The following CPEB3 variants were observed in gnomAD, a reference collection of about 807,000 sequenced individuals.
CPEB3 encodes cytoplasmic polyadenylation element-binding protein 3.
In CPEB3, 20 loss-of-function variants were observed where a neutral mutation model predicts 67.2. The ratio of observed to expected loss-of-function variants is 0.30; its 90% CI spans 0.21 to 0.43. The LOEUF is 0.43. CPEB3 is among the 20% of genes least tolerant of loss of function. The probability of loss-of-function intolerance (pLI) is 1.00; values close to 1 mark genes in which losing one functional copy is unlikely to be tolerated. For synonymous variants in CPEB3, 376 were observed against 393.1 expected (o/e 0.96, Z 0.51); for missense variants, 746 against 968.6 (o/e 0.77, Z 3.05).
chr10:92,230,243 A>T (rs1412076467), intron 2 of CPEB3, among the ~76,000 whole-genome samples: 2 of 152,180 alleles, frequency 1.3e-5, no homozygotes, highest in Non-Finnish European at 2.9e-5. Flanking sequence ...GCACTGAGTT[A>T]CTGCAGACAG....
chr10:92,178,161 CT>C (rs1047680848), intron 4 of CPEB3, among the ~76,000 whole-genome samples: 1,409 of 139,590 alleles, frequency 0.01, 3 homozygotes, highest in Admixed American at 0.013. Context: ...TCAATTATTC[CT>C]TTTTTTTTTT....
chr10:92,209,789 T>C (rs998180362), intron 2 of CPEB3, among the ~76,000 whole-genome samples: 1 of 151,348 alleles, frequency 6.6e-6, no homozygotes, highest in African/African-American at 2.4e-5. Flanking sequence ...ATACAAAAAT[T>C]AGCTGGGCGT....
chr10:92,259,667 C>T lies in CPEB3; in HGVS notation c.-11-19306G>A, dbSNP rs551959402. 2.0e-5 allele frequency among the ~76,000 whole-genome samples: 3 copies of T among 151,772 alleles called. No homozygotes were observed. The South Asian group carries it at 6.2e-4, about 31-fold the overall frequency. ...TGCTTTGCATTTGCATTTCTGTTTA[C>T]CTCTTCTGGCATATAATTATGTTAA... On this transcript the variant is annotated intron_variant, in intron 1 of 9. Transcript: ENST00000265997.
intron 1 of CPEB3, among the ~76,000 whole-genome samples, chr10:92,259,353 G>T (rs547914654): frequency 6.6e-5 from 10 of 152,088 alleles, no homozygotes; most frequent in African/African-American, 2.4e-4. Context: ...TGTAATCCCA[G>T]CACTTTGGGA....
At chr10:92,210,396 C>A (rs1590396174) in intron 2 of CPEB3, among the ~76,000 whole-genome samples, 1 of 152,160 alleles carries the variant, frequency 6.6e-6, no homozygotes, top group African/African-American at 2.4e-5. Flanking sequence ...GCATGATTTA[C>A]AGGCAGCAAA....
At chr10:92,256,412 A>G (rs1852516116) in intron 1 of CPEB3, among the ~76,000 whole-genome samples, 2 of 150,846 alleles carry the variant, frequency 1.3e-5, no homozygotes, top group South Asian at 4.2e-4. Context: ...TTTTTTTGAA[A>G]CAGAGTCTCA....
At chr10:92,195,488 T>G (rs939260545) in intron 2 of CPEB3, among the ~76,000 whole-genome samples, 5 of 152,226 alleles carry the variant, frequency 3.3e-5, no homozygotes, top group African/African-American at 1.2e-4. Context: ...AAGAGGTGTC[T>G]ATCATATACT....
intron 9 of CPEB3, among the ~76,000 whole-genome samples, chr10:92,059,952 CAA>C (rs557616121): frequency 4.1e-4 from 25 of 60,776 alleles, no homozygotes; most frequent in African/African-American, 8.9e-4. Flanking sequence ...CGAGACTCCT[CAA>C]AAAAAAAAAA....
At position 92,048,540 on chromosome 10, in the gene CPEB3, A is replaced by T. The variant is rs1054498437; in HGVS notation, c.*3672T>A. 1 of 152,554 alleles carries T rather than the reference A, an allele frequency of 6.6e-6. No homozygotes were observed. The highest frequency in any genetic ancestry group is 1.5e-5 in the Non-Finnish European group (1 of 68,062). The allele number at this position is 152,554 out of a possible 1,614,324, so 9.5% of individuals were successfully genotyped here. ...CAGGTTTGGCTGCACCTGGTGTTGTATAAATCCACCGTGACATCCCTAGAG... is the reference window on the plus strand; with the variant it reads ...CAGGTTTGGCTGCACCTGGTGTTGTTTAAATCCACCGTGACATCCCTAGAG... On this transcript the variant is annotated 3_prime_UTR_variant, in exon 10 of 10. Transcript: ENST00000265997. The surrounding 1 kb of genome is among the most constrained non-coding windows in gnomAD (Gnocchi z 4.1).
intron 7 of CPEB3, among the ~76,000 whole-genome samples, chr10:92,108,307 C>T (rs1342419514): frequency 1.3e-5 from 2 of 152,196 alleles, no homozygotes; most frequent in Non-Finnish European, 2.9e-5. Context: ...GTTGACTTTG[C>T]CTTGAGCTAC....
At chr10:92,100,102 T>TCCAG (rs1215856552) in intron 7 of CPEB3, among the ~76,000 whole-genome samples, 1 of 152,146 alleles carries the variant, frequency 6.6e-6, no homozygotes, top group Non-Finnish European at 1.5e-5. Context: ...GCCACTGCAC[T>TCCAG]CCAGCCTGGG....
chr10:92,095,667 T>G (rs1843839269), intron 7 of CPEB3, among the ~76,000 whole-genome samples: 1 of 149,410 alleles, frequency 6.7e-6, no homozygotes, highest in Non-Finnish European at 1.5e-5. Context: ...CATTGTAATA[T>G]CATACTTTAT....
At chr10:92,260,816 C>T (rs752028633) in intron 1 of CPEB3, among the ~76,000 whole-genome samples, 2 of 152,034 alleles carry the variant, frequency 1.3e-5, no homozygotes, top group Non-Finnish European at 2.9e-5. Flanking sequence ...GCCATGTTGG[C>T]CAGGCTGGTC....
intron 9 of CPEB3, among the ~76,000 whole-genome samples, chr10:92,063,208 T>G (rs1228085198): frequency 6.6e-6 from 1 of 152,258 alleles, no homozygotes; most frequent in Non-Finnish European, 1.5e-5. Context: ...AGTCATTTTG[T>G]TATTACTCAA....
At chr10:92,085,960 G>A (rs929603065) in intron 8 of CPEB3, among the ~76,000 whole-genome samples, 3 of 152,024 alleles carry the variant, frequency 2.0e-5, no homozygotes, top group Admixed American at 6.6e-5. Context: ...TCACCAGAGA[G>A]GAAACCCATG....
At chr10:92,098,190 A>G in intron 7 of CPEB3, among the ~76,000 whole-genome samples, 1 of 128,750 alleles carries the variant, frequency 7.8e-6, no homozygotes, top group African/African-American at 3.1e-5. Flanking sequence ...AAAAAAAAAA[A>G]AAAAAAAAAA....
chr10:92,186,496 A>G (rs141666004), intron 3 of CPEB3, among the ~76,000 whole-genome samples: 3,228 of 151,106 alleles, frequency 0.021, 109 homozygotes, highest in African/African-American at 0.074. Context: ...GTGCAGTGGC[A>G]CAATCTTGGC....
At chr10:92,229,492 C>T (rs751623732) in intron 2 of CPEB3, among the ~76,000 whole-genome samples, 4 of 152,182 alleles carry the variant, frequency 2.6e-5, no homozygotes, top group Middle Eastern at 3.4e-3. Flanking sequence ...AATGATGAAG[C>T]GATAAAGAAA....
intron 9 of CPEB3, among the ~76,000 whole-genome samples, chr10:92,080,223 G>T (rs1008028591): frequency 1.4e-5 from 2 of 146,748 alleles, no homozygotes; most frequent in Admixed American, 6.8e-5. Flanking sequence ...AAAAAAAAAA[G>T]ACTTGGTGCT....
Sources: gnomAD v4.1 joint callset for allele counts (sites outside exome capture counted in the v4.1 genomes callset) on GRCh38, gnomAD v4.1.1 for gene constraint, Gnocchi (gnomAD v3.1) non-coding constraint, MANE v1.5 for transcripts, NCBI Gene and HGNC (gene_info 2026-07-23, HGNC 2026-07-21) for gene names.